DCLK1: variants seen among roughly 807,000 people sequenced by gnomAD.
DCLK1 encodes serine/threonine-protein kinase DCLK1.
DCLK1 carries 16 observed loss-of-function variants against 86.2 expected under a neutral mutation model. The observed-to-expected ratio is 0.19, with a 90% CI of 0.13 to 0.28. DCLK1 has a LOEUF of 0.28. Among genes scored for constraint, DCLK1 ranks in the 10% least tolerant of loss-of-function variants. The probability of loss-of-function intolerance (pLI) is 1.00; values close to 1 mark genes in which losing one functional copy is unlikely to be tolerated. For missense variants in DCLK1, 590 were observed against 940.2 expected, an observed-to-expected ratio of 0.63 and a Z score of 4.87; for synonymous variants, 369 against 370.5, an observed-to-expected ratio of 1.00 and a Z score of 0.05.
intron 3 of DCLK1, among the ~76,000 whole-genome samples, chr13:36,060,122 T>C (rs1883487507): frequency 6.6e-6 from 1 of 152,070 alleles, no homozygotes; most frequent in African/African-American, 2.4e-5. Context: ...CTGCCCACCT[T>C]GGCCTCCCAA....
At chr13:35,949,563 C>T (rs553976760) in intron 3 of DCLK1, among the ~76,000 whole-genome samples, 12 of 152,304 alleles carry the variant, frequency 7.9e-5, no homozygotes, top group South Asian at 6.2e-4. Flanking sequence ...GATGTATCTC[C>T]GATAGATGAA....
At chr13:35,797,158 G>A (rs2153100273) in intron 15 of DCLK1, among the ~76,000 whole-genome samples, 1 of 152,322 alleles carries the variant, frequency 6.6e-6, no homozygotes. Flanking sequence ...CGTATGATCG[G>A]CACAGGCTGT....
intron 3 of DCLK1, among the ~76,000 whole-genome samples, chr13:35,983,766 A>C (rs989980556): frequency 1.3e-5 from 2 of 152,230 alleles, no homozygotes; most frequent in East Asian, 3.8e-4. Context: ...TTTTTTAAAA[A>C]AGTTTTTTCT....
chr13:35,853,523 C>G (rs968239965), intron 6 of DCLK1, among the ~76,000 whole-genome samples: 1 of 152,214 alleles, frequency 6.6e-6, no homozygotes, highest in Non-Finnish European at 1.5e-5. Context: ...AGCCTAAAGA[C>G]ACAACCTGTG....
chr13:35,945,817 T>C (rs1877350380), intron 4 of DCLK1, among the ~76,000 whole-genome samples: 1 of 152,270 alleles, frequency 6.6e-6, no homozygotes, highest in Non-Finnish European at 1.5e-5. Context: ...AAAGGGCACG[T>C]AGGTCAGAAA....
At chr13:36,091,550 C>A (rs1265292720) in intron 3 of DCLK1, among the ~76,000 whole-genome samples, 1 of 152,064 alleles carries the variant, frequency 6.6e-6, no homozygotes, top group Non-Finnish European at 1.5e-5. Context: ...TGGAAAATAA[C>A]CCAAACTTCA....
intron 2 of DCLK1, among the ~76,000 whole-genome samples, chr13:36,123,085 C>A (rs1593911362): frequency 6.6e-6 from 1 of 152,012 alleles, no homozygotes; most frequent in African/African-American, 2.4e-5. Flanking sequence ...GCCACTGCAC[C>A]CACTAAAAGG....
Position 35,871,244 on chromosome 13 carries a change from G to A in DCLK1, c.920C>T (p.Ser307Phe). Residue 307 changes from serine to phenylalanine, a missense_variant, in exon 5 of 17, where the codon TCC (serine) becomes TTC (phenylalanine). Transcript: ENST00000360631. ...KSPGPSRRSKSPASTSSVNGT... is the reference protein window; with the variant it reads ...KSPGPSRRSKFPASTSSVNGT... ...TTTACCTGAGCTGGTGGAGGCAGGGGACTTGCTACGCCTGGACGGTCCTGG... is the reference window on the plus strand; with the variant it reads ...TTTACCTGAGCTGGTGGAGGCAGGGAACTTGCTACGCCTGGACGGTCCTGG... 6.2e-7 allele frequency: 1 copy of A among 1,613,408 alleles called. No individual in the cohort carries two copies. The highest frequency in any genetic ancestry group is 8.5e-7 in the Non-Finnish European group (1 of 1,179,786).
intron 2 of DCLK1, among the ~76,000 whole-genome samples, chr13:36,122,255 A>G (rs1423734638): frequency 6.6e-6 from 1 of 152,110 alleles, no homozygotes; most frequent in Non-Finnish European, 1.5e-5. Context: ...AAAAGCCCTT[A>G]TGCAAACTGC....
chr13:36,129,194 A>G lies in DCLK1; in HGVS notation c.-20+1920T>C, dbSNP rs564535190. 1.9e-4 allele frequency among the ~76,000 whole-genome samples: 29 copies of G among 152,360 alleles called. 1 individual carries two copies. The South Asian group carries it at 4.6e-3, about 24-fold the overall frequency. On this transcript the variant is annotated intron_variant, in intron 1 of 16. Transcript: ENST00000360631. ...CTGTTACCAGAAAGAGTGCACATCG[A>G]ATTCTCAGTGACTGACAATTGGCAA...
intron 15 of DCLK1, among the ~76,000 whole-genome samples, chr13:35,804,378 C>T (rs1157651143): frequency 4.0e-5 from 6 of 151,742 alleles, no homozygotes; most frequent in African/African-American, 1.5e-4. Flanking sequence ...AAGTAATCTG[C>T]CCACCTTGGG....
At chr13:35,918,545 C>A (rs1875570570) in intron 4 of DCLK1, among the ~76,000 whole-genome samples, 1 of 152,188 alleles carries the variant, frequency 6.6e-6, no homozygotes, top group Admixed American at 6.5e-5. Flanking sequence ...GATCATAAAA[C>A]CAGCCCTGAT....
chr13:36,112,091 G>A lies in DCLK1; in HGVS notation c.501C>T (p.Ala167=), dbSNP rs940914665. The part of the protein sequence containing the change: ...TSASRAVSSL[A]TAKGSPSEVR... The stretch of plus-strand genomic sequence containing the variant: ...CCTCTGAAGGGCTTCCTTTGGCAGT[G>A]GCCAGTGAAGACACTGCCCGAGAAG... Residue 167 remains alanine, a synonymous_variant, in exon 3 of 17, where the codon GCC becomes GCT. Coordinates refer to ENST00000360631, the MANE Select transcript of DCLK1 (RefSeq NM_001330071.2). 1.2e-6 allele frequency: 2 copies of A among 1,614,026 alleles called. No homozygotes were observed. Among genetic ancestry groups the A allele is most frequent in the African/African-American group, 1.3e-5 (1 of 74,926 alleles).
chr13:35,775,310 A>G (rs1321207479), intron 16 of DCLK1, among the ~76,000 whole-genome samples: 4 of 152,236 alleles, frequency 2.6e-5, no homozygotes, highest in East Asian at 3.9e-4. Flanking sequence ...TTTGAATGCA[A>G]TTAAACCAAG....
chr13:35,811,102 G>A (rs1467249252), intron 11 of DCLK1, 134 bp from the exon 12 acceptor site: 3 of 1,065,924 alleles, frequency 2.8e-6, no homozygotes, highest in Non-Finnish European at 4.1e-6. Context: ...ATGCAAGAAT[G>A]GATATACATA....
At chr13:35,991,126 C>T (rs1880199529) in intron 3 of DCLK1, among the ~76,000 whole-genome samples, 1 of 152,108 alleles carries the variant, frequency 6.6e-6, no homozygotes, top group Non-Finnish European at 1.5e-5. Flanking sequence ...TGAAGCAGGT[C>T]ATAAGACCCT....
chr13:36,072,855 T>C (rs868042798), intron 3 of DCLK1, among the ~76,000 whole-genome samples: 1 of 152,238 alleles, frequency 6.6e-6, no homozygotes, highest in Non-Finnish European at 1.5e-5. Flanking sequence ...TCTATAGAAC[T>C]GGAAATTATG....
intron 3 of DCLK1, among the ~76,000 whole-genome samples, chr13:36,002,467 G>A (rs1232231816): frequency 2.0e-5 from 3 of 152,124 alleles, no homozygotes; most frequent in African/African-American, 7.2e-5. Flanking sequence ...TTTTCTTGGA[G>A]GAATGGCAAT....
chr13:35,907,695 C>T (rs911829552), intron 4 of DCLK1, among the ~76,000 whole-genome samples: 1 of 152,118 alleles, frequency 6.6e-6, no homozygotes, highest in Non-Finnish European at 1.5e-5. Context: ...CATTTCTCTG[C>T]ATTACAGTTG....
Sources: gnomAD v4.1 joint callset for allele counts (sites outside exome capture counted in the v4.1 genomes callset) on GRCh38, gnomAD v4.1.1 for gene constraint, MANE v1.5 for transcripts, NCBI Gene and HGNC (gene_info 2026-07-23, HGNC 2026-07-21) for gene names.